The following BTBD1 variants were observed in gnomAD, a reference collection of about 807,000 sequenced individuals.
BTBD1 encodes the protein BTB domain containing 1, also known as BTB/POZ domain-containing protein 1.
In BTBD1, 34 loss-of-function variants were observed where a neutral mutation model predicts 48.0. The observed-to-expected ratio is 0.71, with a 90% CI of 0.54 to 0.94. The LOEUF (loss-of-function observed/expected upper bound fraction) is 0.94. BTBD1 is among the 40% of genes least tolerant of loss of function. The pLI, the probability that BTBD1 is intolerant of heterozygous loss-of-function variation, is 0.00. For synonymous variants in BTBD1, 261 were observed against 242.1 expected, an observed-to-expected ratio of 1.08 and a Z score of -0.72; for missense variants, 543 against 625.6, an observed-to-expected ratio of 0.87 and a Z score of 1.41.
intron 3 of BTBD1, chr15:83,044,508 G>A: frequency 3.8e-6 from 6 of 1,582,932 alleles, no homozygotes; most frequent in Non-Finnish European, 4.3e-6. Flanking sequence ...CATCACTTGT[G>A]ATGGCAAAAA....
At position 83,066,379 on chromosome 15, in the gene BTBD1, A is replaced by C. The variant is rs376575543; in HGVS notation, c.401+372T>G. ...ATTTTTCAACTACTCTCTTCCCCCAAACAAAAACATAAAACTTCGCAAATG... is the reference window on the plus strand; with the variant it reads ...ATTTTTCAACTACTCTCTTCCCCCACACAAAAACATAAAACTTCGCAAATG... On this transcript the variant is annotated intron_variant, in intron 1 of 7. Coordinates refer to ENST00000261721, the MANE Select transcript of BTBD1 (RefSeq NM_025238.4). 1.1e-4 allele frequency among the ~76,000 whole-genome samples: 17 copies of C among 152,338 alleles called. No homozygotes were observed. The East Asian group carries it at 2.7e-3, about 24-fold the overall frequency.
At chr15:83,065,240 T>C (rs1020836325) in intron 1 of BTBD1, among the ~76,000 whole-genome samples, 4 of 152,244 alleles carry the variant, frequency 2.6e-5, no homozygotes, top group Non-Finnish European at 5.9e-5. Context: ...ACCAAACTGT[T>C]TTCCAAAAGG....
intron 3 of BTBD1, among the ~76,000 whole-genome samples, chr15:83,043,378 C>CTG (rs1391617437): frequency 1.3e-5 from 2 of 152,190 alleles, no homozygotes; most frequent in Non-Finnish European, 2.9e-5. Flanking sequence ...AGGCCAGAGG[C>CTG]TGTGGGGAGA....
chr15:83,038,003 G>A lies in BTBD1; in HGVS notation c.862+3725C>T, dbSNP rs188491688. Among the ~76,000 whole-genome samples the A allele has an allele frequency of 3.9e-5, 6 of 152,288 alleles. No homozygotes were observed. The East Asian group carries it at 1.2e-3, about 29-fold the overall frequency. ...GGAGGCTGAGGCAGGAGAATCTCTT[G>A]AACCCGGGAGGCAGAGGTTGCAGTG... On this transcript the variant is annotated intron_variant, in intron 4 of 7. Coordinates refer to ENST00000261721, the MANE Select transcript of BTBD1 (RefSeq NM_025238.4).
chr15:83,033,508 G>C (rs1176327757), intron 4 of BTBD1, among the ~76,000 whole-genome samples: 2 of 152,180 alleles, frequency 1.3e-5, no homozygotes, highest in South Asian at 2.1e-4. Context: ...CCAAAGGCTA[G>C]AGAAGGTTAA....
rs373943812 is a variant in BTBD1, at chr15:83,033,708, G to A, written c.863-3380C>T. 2.3e-4 allele frequency among the ~76,000 whole-genome samples: 35 copies of A among 152,184 alleles called. 3 individuals are homozygous for A. Among genetic ancestry groups the A allele is most frequent in the East Asian group, 1.7e-3 (9 of 5,164 alleles). ...GATCCCCACCTCAGCCCCCCAGGTAGCTGGGACTACAGGTGTGTACCACCA... is the reference window on the plus strand; with the variant it reads ...GATCCCCACCTCAGCCCCCCAGGTAACTGGGACTACAGGTGTGTACCACCA... On this transcript the variant is annotated intron_variant, in intron 4 of 7. Coordinates refer to ENST00000261721, the MANE Select transcript of BTBD1 (RefSeq NM_025238.4).
intron 4 of BTBD1, among the ~76,000 whole-genome samples, chr15:83,041,297 A>G (rs2032754512): frequency 6.6e-6 from 1 of 151,968 alleles, no homozygotes; most frequent in Admixed American, 6.6e-5. Flanking sequence ...ATACACTCGC[A>G]TATATGTTTG....
chr15:83,034,102 A>AG (rs1446361781), intron 4 of BTBD1, among the ~76,000 whole-genome samples: 3 of 150,866 alleles, frequency 2.0e-5, no homozygotes, highest in South Asian at 2.1e-4. Flanking sequence ...AAAAAAAAAA[A>AG]AAAAAGAAAA....
Position 83,018,018 on chromosome 15 carries a change from A to C in BTBD1, c.*49T>G, listed in dbSNP as rs745529203. The C allele has an allele frequency of 1.4e-5, 18 of 1,294,432 alleles. No homozygotes were observed. Among genetic ancestry groups the C allele is most frequent in the Non-Finnish European group, 1.8e-5 (17 of 959,266 alleles). The allele number at this position is 1,294,432 out of a possible 1,614,324, so 80.2% of individuals were successfully genotyped here. On this transcript the variant is annotated 3_prime_UTR_variant, in exon 8 of 8. Coordinates refer to ENST00000261721, the MANE Select transcript of BTBD1 (RefSeq NM_025238.4). ...TTTTTTGTGGCCATTTATGTTTTTG[A>C]CACTAGATTGTATGGTATTATTTAG...
At chr15:83,018,942 G>C in intron 6 of BTBD1, 89 bp from the exon 7 acceptor site, 5 of 729,000 alleles carry the variant, frequency 6.9e-6, no homozygotes, top group Non-Finnish European at 9.2e-6. Context: ...CAATGTGTGC[G>C]TGTGTGTTTT....
chr15:83,040,654 C>G (rs8038246), intron 4 of BTBD1, among the ~76,000 whole-genome samples: 14,558 of 146,442 alleles, frequency 0.099, 781 homozygotes, highest in East Asian at 0.19. Flanking sequence ...GAGCTGAGAT[C>G]GCACGACCGC....
intron 5 of BTBD1, 113 bp downstream of exon 5, chr15:83,030,023 T>C (rs970567108): frequency 1.0e-6 from 1 of 995,866 alleles, no homozygotes; most frequent in South Asian, 1.4e-5. Context: ...TAAAAGTGTA[T>C]TAAATGAAGT....
intron 4 of BTBD1, among the ~76,000 whole-genome samples, chr15:83,036,919 T>TA (rs1287193394): frequency 1.3e-5 from 2 of 152,144 alleles, no homozygotes; most frequent in African/African-American, 4.8e-5. Context: ...ATTAGTGACT[T>TA]AGAGGGTCAT....
At chr15:83,035,166 T>C (rs1309739302) in intron 4 of BTBD1, among the ~76,000 whole-genome samples, 1 of 151,998 alleles carries the variant, frequency 6.6e-6, no homozygotes, top group African/African-American at 2.4e-5. Flanking sequence ...TGGCACCGCA[T>C]GCCTGTAATC....
chr15:83,060,833 C>T (rs1192143024), intron 1 of BTBD1, among the ~76,000 whole-genome samples: 1 of 152,072 alleles, frequency 6.6e-6, no homozygotes, highest in Non-Finnish European at 1.5e-5. Context: ...TTTTAAAAGC[C>T]TAAGGTGAAT....
At chr15:83,020,849 G>T in intron 5 of BTBD1, 87 bp from the exon 6 acceptor site, 3 of 735,894 alleles carry the variant, frequency 4.1e-6, no homozygotes, top group South Asian at 4.0e-5. Flanking sequence ...GTGTAACCTG[G>T]AACATCCAGT....
At chr15:83,043,015 C>A (rs1423254126) in intron 3 of BTBD1, among the ~76,000 whole-genome samples, 1 of 152,164 alleles carries the variant, frequency 6.6e-6, no homozygotes, top group East Asian at 1.9e-4. Flanking sequence ...TGGTGGCATG[C>A]ACTTGTAGTC....
chr15:83,060,661 GCA>G (rs1312218559), intron 1 of BTBD1, among the ~76,000 whole-genome samples: 1 of 152,124 alleles, frequency 6.6e-6, no homozygotes, highest in Non-Finnish European at 1.5e-5. Context: ...AGGCGTGGTG[GCA>G]CACACCTGTA....
rs756238972 is a variant in BTBD1, at chr15:83,055,588, T to C, written c.558+801A>G. On this transcript the variant is annotated intron_variant, in intron 2 of 7. Transcript: ENST00000261721. Reference sequence around the variant, plus strand: ...TATGTAGTTTTCTATATGGATCCTATACTTAGTGAAAACTTAAAAATGTCA... The same window carrying C: ...TATGTAGTTTTCTATATGGATCCTACACTTAGTGAAAACTTAAAAATGTCA... Among the ~76,000 whole-genome samples, 45 of 152,318 alleles carry C rather than the reference T, an allele frequency of 3.0e-4. 1 individual carries two copies. Among genetic ancestry groups the C allele is most frequent in the Non-Finnish European group, 5.4e-4 (37 of 68,032 alleles).
Sources: gnomAD v4.1 joint callset for allele counts (sites outside exome capture counted in the v4.1 genomes callset) on GRCh38, gnomAD v4.1.1 for gene constraint, MANE v1.5 for transcripts, NCBI Gene and HGNC (gene_info 2026-07-23, HGNC 2026-07-21) for gene names.